Variants in PIK3CA observed in about 807,000 individuals in gnomAD.
The protein encoded by PIK3CA is phosphatidylinositol-4,5-bisphosphate 3-kinase catalytic subunit alpha, also known as phosphatidylinositol 4,5-bisphosphate 3-kinase catalytic subunit alpha isoform.
PIK3CA carries 27 observed loss-of-function variants against 138.2 expected under a neutral mutation model. The observed-to-expected ratio is 0.20, with a 90% CI of 0.14 to 0.27. The LOEUF (loss-of-function observed/expected upper bound fraction) is 0.27, where lower values mean the gene tolerates loss of function less well. Ranked by LOEUF, PIK3CA falls within the 10% of genes least tolerant of loss-of-function variation. The pLI is 1.00. For synonymous variants in PIK3CA, 358 were observed against 413.2 expected, an observed-to-expected ratio of 0.87 and a Z score of 1.62; for missense variants, 544 against 1,277.4, an observed-to-expected ratio of 0.43 and a Z score of 8.75.
intron 6 of PIK3CA, among the ~76,000 whole-genome samples, chr3:179,207,913 G>A (rs971253052): frequency 2.0e-5 from 3 of 151,922 alleles, no homozygotes; most frequent in Admixed American, 6.6e-5. Flanking sequence ...GGTAGTATGC[G>A]CCTGAAATCC....
At chr3:179,203,217 G>A (rs1214257296) in intron 4 of PIK3CA, among the ~76,000 whole-genome samples, 2 of 152,120 alleles carry the variant, frequency 1.3e-5, no homozygotes, top group Non-Finnish European at 2.9e-5. Flanking sequence ...TGGGATTACA[G>A]GCGTGAGCCA....
chr3:179,202,471 C>G (rs1326186437), intron 4 of PIK3CA, among the ~76,000 whole-genome samples: 2 of 152,170 alleles, frequency 1.3e-5, no homozygotes, highest in Non-Finnish European at 2.9e-5. Flanking sequence ...ACTATTGATA[C>G]TTTCCTACTC....
At position 179,239,012 on chromosome 3, in the gene PIK3CA, C is replaced by CTAGT. The variant is rs1225123978; in HGVS notation, c.*4652_*4655dup. 4.6e-6 allele frequency: 1 copy of CTAGT among 216,176 alleles called. No individual in the cohort carries two copies. Among genetic ancestry groups the CTAGT allele is most frequent in the African/African-American group, 2.3e-5 (1 of 44,198 alleles). The allele number at this position is 216,176 out of a possible 1,614,324, so 13.4% of individuals were successfully genotyped here. A position where few individuals can be genotyped will look rare whatever the true frequency, so the allele number is the denominator to read the frequency against. On this transcript the variant is annotated 3_prime_UTR_variant, in exon 21 of 21. Transcript: ENST00000263967. ...TAGGTATGTTAATATTCCAGCCTTGCTAGTTAGCATAAAGTGACAGGTGTG... is the reference window on the plus strand; with the variant it reads ...TAGGTATGTTAATATTCCAGCCTTGCTAGTTAGTTAGCATAAAGTGACAGGTGTG...
At chr3:179,173,017 G>T (rs1723598694) in intron 1 of PIK3CA, among the ~76,000 whole-genome samples, 1 of 152,022 alleles carries the variant, frequency 6.6e-6, no homozygotes, top group Non-Finnish European at 1.5e-5. Context: ...TCTTAATATA[G>T]TAATATTTTT....
intron 1 of PIK3CA, among the ~76,000 whole-genome samples, chr3:179,193,979 T>A (rs369451959): frequency 2.6e-5 from 4 of 152,316 alleles, no homozygotes; most frequent in South Asian, 4.1e-4. Flanking sequence ...AATCCCATCC[T>A]CTTTATTGGT....
chr3:179,229,843 T>C (rs529830990), intron 18 of PIK3CA, among the ~76,000 whole-genome samples, 161 bp from the exon 19 acceptor site: 4 of 152,314 alleles, frequency 2.6e-5, no homozygotes, highest in East Asian at 1.9e-4. Flanking sequence ...TAGAAACCCA[T>C]GAAAACTTCA....
intron 9 of PIK3CA, among the ~76,000 whole-genome samples, chr3:179,213,121 A>AAT (rs750309163): frequency 6.6e-6 from 1 of 151,960 alleles, no homozygotes; most frequent in East Asian, 1.9e-4. Flanking sequence ...GGAAAAGGCA[A>AAT]ATATATATAT....
At chr3:179,181,536 TTAAC>T (rs938040153) in intron 1 of PIK3CA, among the ~76,000 whole-genome samples, 5 of 152,170 alleles carry the variant, frequency 3.3e-5, no homozygotes, top group African/African-American at 2.4e-5. Context: ...TTTAAACAAA[TTAAC>T]TAATTGTTTT....
At position 179,152,359 on chromosome 3, in the gene PIK3CA, A is replaced by G. The variant is rs535154783; in HGVS notation, c.-77+3756A>G. Among the ~76,000 whole-genome samples the G allele has an allele frequency of 1.3e-4, 20 of 152,304 alleles. 1 individual carries two copies. In the South Asian group the frequency reaches 2.5e-3, roughly 19 times the overall value. ...ACCACAAACATTTGGGCACGTCTCA[A>G]TCTCTTTGGGTGTCATGTATAATAC... On this transcript the variant is annotated intron_variant, in intron 1 of 20. Transcript: ENST00000263967.
chr3:179,184,713 G>T (rs781309028), intron 1 of PIK3CA, among the ~76,000 whole-genome samples: 1 of 152,236 alleles, frequency 6.6e-6, no homozygotes, highest in Non-Finnish European at 1.5e-5. Flanking sequence ...AGGCATTTTG[G>T]TGGGGATTTT....
chr3:179,163,106 A>T (rs1723325764), intron 1 of PIK3CA, among the ~76,000 whole-genome samples: 1 of 152,200 alleles, frequency 6.6e-6, no homozygotes, highest in Non-Finnish European at 1.5e-5. Context: ...ATGATAAAGA[A>T]GTAATCAGAA....
At chr3:179,217,085 G>A (rs1260916104) in intron 9 of PIK3CA, among the ~76,000 whole-genome samples, 1 of 151,932 alleles carries the variant, frequency 6.6e-6, no homozygotes, top group African/African-American at 2.4e-5. Flanking sequence ...CTTGTCTATT[G>A]CCCATCAGGC....
At chr3:179,197,038 T>C (rs995799166) in intron 1 of PIK3CA, among the ~76,000 whole-genome samples, 6 of 149,722 alleles carry the variant, frequency 4.0e-5, no homozygotes, top group Admixed American at 1.3e-4. Flanking sequence ...CTTGCTTATC[T>C]TTTTTTTTTC....
intron 1 of PIK3CA, among the ~76,000 whole-genome samples, chr3:179,169,553 G>A (rs527848823): frequency 1.3e-5 from 2 of 152,072 alleles, no homozygotes; most frequent in South Asian, 4.2e-4. Flanking sequence ...AATTCTACCA[G>A]GACCGTCTAT....
intron 1 of PIK3CA, among the ~76,000 whole-genome samples, chr3:179,192,804 C>A (rs746121059): frequency 2.6e-5 from 4 of 152,202 alleles, no homozygotes; most frequent in Non-Finnish European, 5.9e-5. Context: ...CATGCTTTGA[C>A]GACCCTTGCC....
intron 1 of PIK3CA, among the ~76,000 whole-genome samples, chr3:179,195,643 T>G (rs1724248962): frequency 6.6e-6 from 1 of 152,212 alleles, no homozygotes; most frequent in South Asian, 2.1e-4. Context: ...TGCCTGGCCA[T>G]AACTGAAGTC....
intron 1 of PIK3CA, among the ~76,000 whole-genome samples, chr3:179,181,322 A>T (rs142361783): frequency 1.3e-5 from 2 of 152,212 alleles, no homozygotes; most frequent in African/African-American, 4.8e-5. Flanking sequence ...CCCTAGGGAT[A>T]ATGACTCATG....
chr3:179,157,204 T>C lies in PIK3CA; in HGVS notation c.-77+8601T>C, dbSNP rs1377202355. On this transcript the variant is annotated intron_variant, in intron 1 of 20. Transcript: ENST00000263967. ...GCATAGTAATGTCATTTTAAAGTTA[T>C]ATGCCTTCTGAAGCTTTTCTTAAAA... 4.6e-5 allele frequency among the ~76,000 whole-genome samples: 7 copies of C among 152,184 alleles called. No homozygotes were observed. In the East Asian group the frequency reaches 1.3e-3, roughly 29 times the overall value.
intron 1 of PIK3CA, among the ~76,000 whole-genome samples, chr3:179,170,063 C>CAG (rs780533391): frequency 4.0e-5 from 2 of 49,430 alleles, no homozygotes; most frequent in African/African-American, 2.2e-4. Context: ...CATGCGCGTG[C>CAG]ACACGCGCGC....
Sources: allele counts gnomAD v4.1 joint callset (sites outside exome capture counted in the v4.1 genomes callset), GRCh38; gene constraint gnomAD v4.1.1; transcripts MANE v1.5; gene names NCBI Gene and HGNC (gene_info 2026-07-23, HGNC 2026-07-21).